KRT24: variants seen among roughly 807,000 people sequenced by gnomAD.
KRT24 encodes the protein keratin, type I cytoskeletal 24.
KRT24 carries 44 observed loss-of-function variants against 51.7 expected under a neutral mutation model. The observed-to-expected ratio is 0.85, with a 90% CI of 0.67 to 1.09. The LOEUF is 1.09. KRT24 is among the 50% of genes least tolerant of loss of function. The pLI, the probability that KRT24 is intolerant of heterozygous loss-of-function variation, is 0.00. For synonymous variants in KRT24, 241 were observed against 249.5 expected, an observed-to-expected ratio of 0.97 and a Z score of 0.32; for missense variants, 633 against 647.0, an observed-to-expected ratio of 0.98 and a Z score of 0.24.
In KRT24 at chr17:40,700,313, T is replaced by A. The variant is rs979445396; in HGVS notation, c.926A>T (p.Asp309Val). The A allele has an allele frequency of 2.5e-6, 4 of 1,613,948 alleles. No homozygotes were observed. In the Admixed American group the frequency reaches 5.0e-5, roughly 20 times the overall value. Residue 309 changes from aspartate to valine, a missense_variant, in exon 4 of 8, where the codon GAC (aspartate) becomes GTC (valine). Asp to Val is a radical substitution (Grantham distance 152). Coordinates refer to ENST00000264651, the MANE Select transcript of KRT24 (RefSeq NM_019016.3). ...CATGTCATTCAGTAATTTGGTCAGG[T>A]CGGTCCCTGGCGCAGCATTCATTTC... Reference protein sequence around the residue: ...TVEMNAAPGTDLTKLLNDMRA... With the variant: ...TVEMNAAPGTVLTKLLNDMRA...
chr17:40,700,117 A>G lies in KRT24; in HGVS notation c.1024T>C (p.Ser342Pro). The G allele has an allele frequency of 6.2e-7, 1 of 1,614,142 alleles. No homozygotes were observed. Among genetic ancestry groups the G allele is most frequent in the Non-Finnish European group, 8.5e-7 (1 of 1,180,024 alleles). The change falls in exon 5 of 8, where the codon TCA (serine) becomes CCA (proline). Residue 342 changes from serine to proline, a missense_variant. Ser to Pro is a moderately conservative substitution (Grantham distance 74). Transcript: ENST00000264651. Reference sequence around the variant, plus strand: ...TCAGTGGAGATTTGTGCTTGTAGTGATGCGCTCTAAATACAAACATAATGC... The same window carrying G: ...TCAGTGGAGATTTGTGCTTGTAGTGGTGCGCTCTAAATACAAACATAATGC... ...AEERFNKQSA[S>P]LQAQISTDAG...
At chr17:40,701,770 TA>T (rs1567863121) in intron 2 of KRT24, 80 bp downstream of exon 2, 950 of 45,690 alleles carry the variant, frequency 0.021, 69 homozygotes, top group Admixed American at 0.036. Flanking sequence ...TATATATATA[TA>T]TATATATATT....
chr17:40,700,260 GCTCAGCCAGCTC>G lies in KRT24; in HGVS notation c.967_978del (p.Glu323_Glu326del). On this transcript the variant is annotated inframe_deletion, in exon 4 of 8. Transcript: ENST00000264651. The stretch of plus-strand genomic sequence containing the variant: ...CGCTCCTCAGCCTCTCGGCGGTTTT[GCTCAGCCAGCTC>G]CTCGTACTGCGCCCTCATGTCATTC... 1 of 1,614,062 alleles carries G rather than the reference GCTCAGCCAGCTC, an allele frequency of 6.2e-7. No individual in the cohort carries two copies. Among genetic ancestry groups the G allele is most frequent in the African/African-American group, 1.3e-5 (1 of 75,042 alleles).
chr17:40,703,501 C>T lies in KRT24; in HGVS notation c.193G>A (p.Gly65Arg). 2 of 1,144,388 alleles carry T rather than the reference C, an allele frequency of 1.7e-6. No individual in the cohort carries two copies. Among genetic ancestry groups the T allele is most frequent in the African/African-American group, 3.5e-5 (2 of 56,708 alleles). 70.9% of individuals were successfully genotyped at this position (1,144,388 alleles called of 1,614,324 possible). Reference protein sequence around the residue: ...GSSGAFGGSFGGGFGSCSVGG... With the variant: ...GSSGAFGGSFRGGFGSCSVGG... The stretch of plus-strand genomic sequence containing the variant: ...ACTGAGCAGCTACCAAAGCCCCCTC[C>T]AAAGCTGCCCCCAAAAGCACCGCTA... Residue 65 changes from glycine (G) to arginine (R), a missense_variant, in exon 1 of 8, where the codon GGA becomes AGA. By Grantham distance (125) the Gly-to-Arg change is moderately radical. Coordinates refer to ENST00000264651, the MANE Select transcript of KRT24 (RefSeq NM_019016.3).
At chr17:40,699,113 G>A (rs766508252) in intron 6 of KRT24, among the ~76,000 whole-genome samples, 7 of 152,194 alleles carry the variant, frequency 4.6e-5, no homozygotes, top group Admixed American at 1.3e-4. Flanking sequence ...CTGACCTCAC[G>A]TGATCTGCCT....
rs146614779 is a variant in KRT24, at chr17:40,703,245, C to T, written c.449G>A (p.Arg150His). Reference protein sequence around the residue: ...EKQTMQNLNDRLANYLDKVRA... With the variant: ...EKQTMQNLNDHLANYLDKVRA... Reference sequence around the variant, plus strand: ...GACCTTGTCTAGGTAATTGGCCAAGCGGTCATTGAGGTTCTGCATGGTTTG... The same window carrying T: ...GACCTTGTCTAGGTAATTGGCCAAGTGGTCATTGAGGTTCTGCATGGTTTG... The change falls in exon 1 of 8, where the codon CGC becomes CAC. Residue 150 changes from arginine to histidine, a missense_variant. Arg to His is a conservative substitution (Grantham distance 29, BLOSUM62 0). Transcript: ENST00000264651. The T allele has an allele frequency of 1.2e-4, 197 of 1,614,082 alleles. No individual in the cohort carries two copies. Among genetic ancestry groups the T allele is most frequent in the East Asian group, 3.6e-4 (16 of 44,864 alleles).
At chr17:40,701,777 A>ATATT (rs1274043017) in intron 2 of KRT24, 74 bp downstream of exon 2, 738 of 35,910 alleles carry the variant, frequency 0.021, 88 homozygotes, top group Non-Finnish European at 0.03. Flanking sequence ...ATATATATAT[A>ATATT]TATTTATTTA....
At position 40,701,266 on chromosome 17, in the gene KRT24, G is replaced by T. The variant is rs140590041; in HGVS notation, c.729C>A (p.Ser243Arg). 33 of 1,613,680 alleles carry T rather than the reference G, an allele frequency of 2.0e-5. No homozygotes were observed. In the African/African-American group the frequency reaches 2.1e-4, roughly 10 times the overall value. The change falls in exon 3 of 8, where the codon AGC (serine) becomes AGA (arginine). Residue 243 changes from serine (S) to arginine (R), a missense_variant. Coordinates refer to ENST00000264651, the MANE Select transcript of KRT24 (RefSeq NM_019016.3). ...GCAGGCCATTGATGTCAGCCTCCACGCTCTGCCGGAGACACAGCTCGTTCT... is the reference window on the plus strand; with the variant it reads ...GCAGGCCATTGATGTCAGCCTCCACTCTCTGCCGGAGACACAGCTCGTTCT... ...KYENELCLRQ[S>R]VEADINGLRK...
Position 40,698,633 on chromosome 17 carries a change from T to C in KRT24, c.1379A>G (p.Glu460Gly). ...DGEGGGSSFA[E>G]FGGRNSGSVN... The stretch of plus-strand genomic sequence containing the variant: ...AGATCCTGAGTTTCTACCACCAAAT[T>C]CTGCAAAACTAGAACCACTGGAGAA... Residue 460 changes from glutamate (E) to glycine (G), a missense_variant, in exon 7 of 8, where the codon GAA (glutamate) becomes GGA (glycine). Physicochemically the swap from Glu to Gly is moderately conservative, Grantham distance 98 (BLOSUM62 -2). Transcript: ENST00000264651. 1.9e-6 allele frequency: 3 copies of C among 1,588,892 alleles called. No homozygotes were observed. Among genetic ancestry groups the C allele is most frequent in the Non-Finnish European group, 1.7e-6 (2 of 1,157,672 alleles).
Position 40,703,294 on chromosome 17 carries a change from C to G in KRT24, c.400G>C (p.Gly134Arg), listed in dbSNP as rs1011251004. The stretch of plus-strand genomic sequence containing the variant: ...TGCTTTTCCCCTCCAGAGAAAAGCC[C>G]CCCATCGCCAACACCACCTCCCATA... ...GGMGGGVGDG[G>R]LFSGGEKQTM... The change falls in exon 1 of 8, where the codon GGG becomes CGG. Residue 134 changes from glycine to arginine, a missense_variant. Transcript: ENST00000264651. 1.9e-6 allele frequency: 3 copies of G among 1,613,864 alleles called. No individual in the cohort carries two copies. In the African/African-American group the frequency reaches 4.0e-5, roughly 22 times the overall value.
chr17:40,700,037 C>T lies in KRT24; in HGVS notation c.1104G>A (p.Leu368=), dbSNP rs2037656214. 3.1e-6 allele frequency: 5 copies of T among 1,614,172 alleles called. No homozygotes were observed. Among genetic ancestry groups the T allele is most frequent in the Non-Finnish European group, 4.2e-6 (5 of 1,180,024 alleles). ...KNEITELKRT[L]QALEIELQSQ... ...ACTGAAGCTCAATTTCCAGGGCTTG[C>T]AGGGTACGTTTTAGTTCTGTTATCT... The change falls in exon 5 of 8, where the codon CTG becomes CTA. Residue 368 remains leucine (L), a synonymous_variant. Coordinates refer to ENST00000264651, the MANE Select transcript of KRT24 (RefSeq NM_019016.3).
Position 40,699,629 on chromosome 17 carries a change from T to G in KRT24, c.1176A>C (p.Thr392=), listed in dbSNP as rs761055258. 1.2e-6 allele frequency: 2 copies of G among 1,614,182 alleles called. No individual in the cohort carries two copies. Among genetic ancestry groups the G allele is most frequent in the South Asian group, 2.2e-5 (2 of 91,086 alleles). Residue 392 remains threonine (T), a synonymous_variant, in exon 6 of 8, where the codon ACA becomes ACC. Coordinates refer to ENST00000264651, the MANE Select transcript of KRT24 (RefSeq NM_019016.3). ...ACAGCTGAGCCACGTAGCCAGCTTC[T>G]GTGTCAGCCAGGGTTCCCTCCAGGG... ...KSSLEGTLAD[T]EAGYVAQLSE...
intron 6 of KRT24, among the ~76,000 whole-genome samples, chr17:40,699,174 G>A (rs2037644031): frequency 6.6e-6 from 1 of 152,104 alleles, no homozygotes; most frequent in African/African-American, 2.4e-5. Context: ...ACTGTGCCCA[G>A]CCTCCAGCTA....
At chr17:40,699,399 A>G in intron 6 of KRT24, 45 bp downstream of exon 6, 1 of 1,512,178 alleles carries the variant, frequency 6.6e-7, no homozygotes, top group Non-Finnish European at 9.2e-7. Context: ...TATAAAATAA[A>G]TTCACTAAGG....
chr17:40,702,474 A>C (rs1384586754), intron 1 of KRT24, among the ~76,000 whole-genome samples: 1 of 152,218 alleles, frequency 6.6e-6, no homozygotes, highest in Non-Finnish European at 1.5e-5. Context: ...AACAGTCTGC[A>C]CATTTATTGG....
Position 40,698,245 on chromosome 17 carries a change from C to T in KRT24, c.1570G>A (p.Val524Ile), listed in dbSNP as rs748606583. The T allele has an allele frequency of 1.9e-6, 3 of 1,607,872 alleles. No individual in the cohort carries two copies. The highest frequency in any genetic ancestry group is 2.2e-5 in the South Asian group (2 of 90,804). Reference protein sequence around the residue: ...SQVSSISEVKVK With the variant: ...SQVSSISEVKIK The stretch of plus-strand genomic sequence containing the variant: ...GTTGATCTGGAAGTTCCTTATTTAA[C>T]TTTCACCTCAGAAATACTGCTGACT... The change falls in exon 8 of 8, where the codon GTT becomes ATT. Residue 524 changes from valine to isoleucine, a missense_variant. Val to Ile is a conservative substitution (Grantham distance 29). Transcript: ENST00000264651.
At position 40,699,469 on chromosome 17, in the gene KRT24, G is replaced by A. The variant is rs148215930; in HGVS notation, c.1336C>T (p.Arg446Cys). Reference protein sequence around the residue: ...TRLEVEIETYRRLLDGEGGGS... With the variant: ...TRLEVEIETYCRLLDGEGGGS... ...CCTCCCTCTCCATCGAGCAGGCGGC[G>A]GTAGGTCTCGATCTCCACCTCCAGG... The change falls in exon 6 of 8, where the codon CGC becomes TGC. Residue 446 changes from arginine to cysteine, a missense_variant. By Grantham distance (180) the Arg-to-Cys change is radical. Coordinates refer to ENST00000264651, the MANE Select transcript of KRT24 (RefSeq NM_019016.3). The A allele has an allele frequency of 4.3e-5, 70 of 1,613,968 alleles. No individual in the cohort carries two copies. In the African/African-American group the frequency reaches 5.5e-4, roughly 13 times the overall value.
chr17:40,698,333 G>T lies in KRT24; in HGVS notation c.1482C>A (p.Ser494Arg). ...CGATAGTCTTAGTCACTCTAGTCTT[G>T]CTTGAATCTGAAAATCATGGGATTG... ...GSCSGQGRDS[S>R]KTRVTKTIVE... is the part of the protein sequence containing the mutation. Residue 494 changes from serine (S) to arginine (R), a missense_variant, in exon 8 of 8, where the codon AGC becomes AGA. Coordinates refer to ENST00000264651, the MANE Select transcript of KRT24 (RefSeq NM_019016.3). 1.2e-6 allele frequency: 2 copies of T among 1,603,414 alleles called. No homozygotes were observed. Among genetic ancestry groups the T allele is most frequent in the Non-Finnish European group, 8.5e-7 (1 of 1,170,950 alleles).
chr17:40,701,043 A>T, intron 3 of KRT24, 97 bp downstream of exon 3: 1 of 1,244,672 alleles, frequency 8.0e-7, no homozygotes, highest in Non-Finnish European at 1.1e-6. Flanking sequence ...GACTAAAGGC[A>T]TGAGCCACTG....
Sources: gnomAD v4.1 joint callset for allele counts (sites outside exome capture counted in the v4.1 genomes callset) on GRCh38, gnomAD v4.1.1 for gene constraint, MANE v1.5 for transcripts, NCBI Gene and HGNC (gene_info 2026-07-23, HGNC 2026-07-21) for gene names.